VSTM1: variants seen among roughly 807,000 people sequenced by gnomAD.
VSTM1 encodes V-set and transmembrane domain containing 1.
A neutral mutation model predicts 33.1 loss-of-function variants in VSTM1; 27 were observed. The ratio of observed to expected loss-of-function variants is 0.82; its 90% CI spans 0.60 to 1.12. The LOEUF (loss-of-function observed/expected upper bound fraction) is 1.12, where lower values mean the gene tolerates loss of function less well. VSTM1 is among the 50% of genes most tolerant of loss of function. The pLI is 0.00. For missense variants in VSTM1, 304 were observed against 288.9 expected (o/e 1.05, Z -0.38); for synonymous variants, 115 against 110.3 (o/e 1.04, Z -0.27).
intron 1 of VSTM1, among the ~76,000 whole-genome samples, chr19:54,059,005 T>C (rs1206003619): frequency 1.3e-5 from 2 of 149,616 alleles, no homozygotes; most frequent in African/African-American, 4.9e-5. Flanking sequence ...TTTGTTCCAT[T>C]GTTTGTCATT....
intron 3 of VSTM1, among the ~76,000 whole-genome samples, chr19:54,051,920 C>T (rs2070858452): frequency 6.6e-6 from 1 of 151,976 alleles, no homozygotes; most frequent in African/African-American, 2.4e-5. Flanking sequence ...GCCACCACAC[C>T]CTGCTAATTT....
Position 54,058,760 on chromosome 19 carries a change from A to T in VSTM1, c.35-28T>A, listed in dbSNP as rs776350061. The T allele has an allele frequency of 9.3e-6, 15 of 1,612,418 alleles. No homozygotes were observed. The Admixed American group carries it at 2.5e-4, about 27-fold the overall frequency. ...GGAAGAGAAATCTCAATGAGAGAAA[A>T]ATTATGTGCTTGTCCTTGAGTACAA... On this transcript the variant is annotated intron_variant, in intron 1 of 8. Transcript: ENST00000338372.
intron 4 of VSTM1, among the ~76,000 whole-genome samples, chr19:54,047,520 C>T (rs1473922201): frequency 1.3e-5 from 2 of 152,064 alleles, no homozygotes; most frequent in African/African-American, 4.8e-5. Flanking sequence ...TCTCAAACTC[C>T]AGAGCTCAAG....
chr19:54,045,513 C>A (rs539165736), intron 4 of VSTM1, among the ~76,000 whole-genome samples: 10 of 152,202 alleles, frequency 6.6e-5, no homozygotes, highest in Admixed American at 3.3e-4. Flanking sequence ...ATCTATCCAT[C>A]CTATCATATC....
At chr19:54,048,750 C>T (rs1272056698) in intron 4 of VSTM1, among the ~76,000 whole-genome samples, 3 of 152,124 alleles carry the variant, frequency 2.0e-5, no homozygotes, top group Non-Finnish European at 4.4e-5. Context: ...CACCATTACT[C>T]GCTTTAGCCA....
At chr19:54,045,278 G>A (rs777886795) in intron 4 of VSTM1, among the ~76,000 whole-genome samples, 1 of 151,868 alleles carries the variant, frequency 6.6e-6, no homozygotes, top group Non-Finnish European at 1.5e-5. Flanking sequence ...ATCTTTATCT[G>A]TCTCTGTACC....
chr19:54,040,954 C>T lies in VSTM1; in HGVS notation c.*7G>A, dbSNP rs752182943. ...CCCCTCCTTTAGTGGCCAGGGCTGT[C>T]TTCTTGCTACACTTTCAGTGCCGCA... On this transcript the variant is annotated 3_prime_UTR_variant, in exon 9 of 9. Coordinates refer to ENST00000338372, the MANE Select transcript of VSTM1 (RefSeq NM_198481.4). 1 of 1,606,504 alleles carries T rather than the reference C, an allele frequency of 6.2e-7. No homozygotes were observed. Among genetic ancestry groups the T allele is most frequent in the Non-Finnish European group, 8.5e-7 (1 of 1,176,648 alleles).
intron 1 of VSTM1, among the ~76,000 whole-genome samples, chr19:54,060,596 A>G (rs1355051808): frequency 4.6e-5 from 7 of 152,166 alleles, no homozygotes; most frequent in Non-Finnish European, 8.8e-5. Context: ...CCCAGGACTC[A>G]GGCTCTGTTT....
chr19:54,043,977 C>T (rs1420032902), intron 4 of VSTM1, among the ~76,000 whole-genome samples: 1 of 151,942 alleles, frequency 6.6e-6, no homozygotes, highest in Non-Finnish European at 1.5e-5. Context: ...GGCTAGAGTG[C>T]AGTGGTGTGA....
intron 3 of VSTM1, among the ~76,000 whole-genome samples, chr19:54,056,180 G>A (rs1041646652): frequency 4.8e-5 from 4 of 82,760 alleles, no homozygotes; most frequent in African/African-American, 2.1e-4. Context: ...TTCTTTTTTT[G>A]TTTTTCTTTT....
At chr19:54,052,208 C>A (rs2070877562) in intron 3 of VSTM1, among the ~76,000 whole-genome samples, 1 of 150,522 alleles carries the variant, frequency 6.6e-6, no homozygotes, top group East Asian at 2.0e-4. Flanking sequence ...ACCATCCTGG[C>A]TAACATGGTG....
intron 4 of VSTM1, among the ~76,000 whole-genome samples, chr19:54,042,806 GTATATA>G (rs1203522841): frequency 0.016 from 941 of 57,932 alleles, 17 homozygotes; most frequent in Middle Eastern, 0.053. Context: ...ATATAAATGT[GTATATA>G]TATATATATA....
At chr19:54,045,998 T>C (rs546969897) in intron 4 of VSTM1, among the ~76,000 whole-genome samples, 21 of 152,240 alleles carry the variant, frequency 1.4e-4, no homozygotes, top group African/African-American at 4.3e-4. Flanking sequence ...TCTATTTATC[T>C]ATCTAATCTA....
intron 3 of VSTM1, among the ~76,000 whole-genome samples, chr19:54,057,162 G>C (rs1007141442): frequency 7.2e-6 from 1 of 139,378 alleles, no homozygotes; most frequent in Non-Finnish European, 1.6e-5. Context: ...TGCCTGGCCT[G>C]CATCTATCTT....
intron 1 of VSTM1, among the ~76,000 whole-genome samples, chr19:54,060,849 C>T (rs1262420869): frequency 2.6e-5 from 4 of 151,762 alleles, no homozygotes; most frequent in Admixed American, 2.6e-4. Context: ...CACCACCACG[C>T]TGGCTGATTT....
intron 4 of VSTM1, among the ~76,000 whole-genome samples, chr19:54,042,758 G>GTGTA (rs1555752195): frequency 8.2e-5 from 10 of 121,990 alleles, no homozygotes; most frequent in East Asian, 2.2e-4. Context: ...GTGTGTGTGT[G>GTGTA]TATATATATA....
chr19:54,051,820 G>A (rs1382410353), intron 3 of VSTM1, among the ~76,000 whole-genome samples: 3 of 151,980 alleles, frequency 2.0e-5, no homozygotes, highest in Non-Finnish European at 4.4e-5. Flanking sequence ...GAGTGCAGTG[G>A]CATGATCTCA....
At chr19:54,058,059 C>A (rs1395720167) in intron 3 of VSTM1, among the ~76,000 whole-genome samples, 1 of 151,558 alleles carries the variant, frequency 6.6e-6, no homozygotes, top group Non-Finnish European at 1.5e-5. Flanking sequence ...GCTAACATGG[C>A]GAAACCCCAT....
chr19:54,047,132 T>C (rs575568084), intron 4 of VSTM1, among the ~76,000 whole-genome samples: 3 of 151,720 alleles, frequency 2.0e-5, no homozygotes, highest in African/African-American at 7.3e-5. Flanking sequence ...TAGGCGGAGG[T>C]TGCAGTGAGC....
Sources: gnomAD v4.1 joint callset for allele counts (sites outside exome capture counted in the v4.1 genomes callset) on GRCh38, gnomAD v4.1.1 for gene constraint, MANE v1.5 for transcripts, NCBI Gene and HGNC (gene_info 2026-07-23, HGNC 2026-07-21) for gene names.